The following CAMSAP3 variants were observed in gnomAD, a reference collection of about 807,000 sequenced individuals.
The protein encoded by CAMSAP3 is calmodulin-regulated spectrin-associated protein 3.
In CAMSAP3, 34 loss-of-function variants were observed where a neutral mutation model predicts 112.5. That is an observed-to-expected ratio of 0.30 (90% CI 0.23 to 0.40). The LOEUF is 0.40. CAMSAP3 is among the 10% of genes least tolerant of loss of function. The pLI is 1.00. For synonymous variants in CAMSAP3, 868 were observed against 799.8 expected, an observed-to-expected ratio of 1.09 and a Z score of -1.44; for missense variants, 1,602 against 1,770.3, an observed-to-expected ratio of 0.90 and a Z score of 1.71.
At position 7,615,102 on chromosome 19, in the gene CAMSAP3, G is replaced by A. The variant is rs975944652; in HGVS notation, c.2671-81G>A. The stretch of plus-strand genomic sequence containing the variant: ...AAAACAAAAGCACAGGTGGGTGGCG[G>A]GCAGGCTGGGTGGAGGGAAGATGGG... On this transcript the variant is annotated intron_variant, in intron 11 of 16. Coordinates refer to ENST00000160298, the MANE Select transcript of CAMSAP3 (RefSeq NM_020902.2). The surrounding 1 kb of genome is among the most constrained non-coding windows in gnomAD (Gnocchi z 6.5). The A allele has an allele frequency of 6.6e-7, 1 of 1,512,070 alleles. No individual in the cohort carries two copies. The allele number at this position is 1,512,070 out of a possible 1,614,324, so 93.7% of individuals were successfully genotyped here.
intron 1 of CAMSAP3, 27 bp downstream of exon 1, chr19:7,596,177 G>A: frequency 1.9e-6 from 1 of 539,054 alleles, no homozygotes; most frequent in Non-Finnish European, 2.4e-6. Context: ...GACCGGGGTC[G>A]GGGGCGGCGG....
intron 2 of CAMSAP3, 121 bp from the exon 3 acceptor site, chr19:7,606,150 A>ACACCC: frequency 3.8e-6 from 1 of 265,232 alleles, no homozygotes; most frequent in Non-Finnish European, 6.6e-6. Flanking sequence ...CGCCCCCTCA[A>ACACCC]GCCCCACCCC....
At position 7,611,462 on chromosome 19, in the gene CAMSAP3, G is replaced by T; in HGVS notation, c.1124-55G>T. 1 of 1,519,854 alleles carries T rather than the reference G, an allele frequency of 6.6e-7. No homozygotes were observed. Among genetic ancestry groups the T allele is most frequent in the South Asian group, 1.3e-5 (1 of 79,280 alleles). The allele number at this position is 1,519,854 out of a possible 1,614,324, so 94.1% of individuals were successfully genotyped here. A position where few individuals can be genotyped will look rare whatever the true frequency, so the allele number is the denominator to read the frequency against. Reference sequence around the variant, plus strand: ...CAGAGGTTGTCCCCAGATGCTGGCTGACCCCACTCAGGGTTCCCAGGGTCC... The same window carrying T: ...CAGAGGTTGTCCCCAGATGCTGGCTTACCCCACTCAGGGTTCCCAGGGTCC... On this transcript the variant is annotated intron_variant, in intron 9 of 16. Transcript: ENST00000160298. The surrounding 1 kb of genome is among the most constrained non-coding windows in gnomAD (Gnocchi z 6.9).
chr19:7,615,588 T>C lies in CAMSAP3; in HGVS notation c.2981T>C (p.Leu994Pro). 1 of 1,495,382 alleles carries C rather than the reference T, an allele frequency of 6.7e-7. No homozygotes were observed. The highest frequency in any genetic ancestry group is 8.9e-7 in the Non-Finnish European group (1 of 1,122,370). 92.6% of individuals were successfully genotyped at this position (1,495,382 alleles called of 1,614,324 possible). The change falls in exon 13 of 17, where the codon CTC becomes CCC. Residue 994 changes from leucine (L) to proline (P), a missense_variant. Coordinates refer to ENST00000160298, the MANE Select transcript of CAMSAP3 (RefSeq NM_020902.2). This position sits in a 1 kb window ranked among gnomAD's most constrained non-coding sequence, Gnocchi z 6.5. The part of the protein sequence containing the change: ...RRAQLKLMDD[L>P]DKVLRPRAAG... ...GCCCAGCTGAAGCTGATGGACGACC[T>C]CGATAAGGTGCTGCGGCCCCGGGCT...
In CAMSAP3 at chr19:7,617,273, C is replaced by A; in HGVS notation, c.3213-53C>A. 1 of 1,290,244 alleles carries A rather than the reference C, an allele frequency of 7.8e-7. No individual in the cohort carries two copies. The highest frequency in any genetic ancestry group is 1.1e-6 in the Non-Finnish European group (1 of 886,008). The allele number at this position is 1,290,244 out of a possible 1,614,324, so 79.9% of individuals were successfully genotyped here. On this transcript the variant is annotated intron_variant, in intron 14 of 16. Transcript: ENST00000160298. The surrounding 1 kb of genome is among the most constrained non-coding windows in gnomAD (Gnocchi z 7.5). ...ATAGGGAAGCTTCCCATCTCTGACCCCACCTCCATCCCATCCTGACCCCAC... is the reference window on the plus strand; with the variant it reads ...ATAGGGAAGCTTCCCATCTCTGACCACACCTCCATCCCATCCTGACCCCAC...
At position 7,617,639 on chromosome 19, in the gene CAMSAP3, C is replaced by A; in HGVS notation, c.3422C>A (p.Pro1141Gln). ...HCCLAGKVNE[P>Q]QKNRILEEIE... ...TGCCTGGCGGGCAAGGTGAACGAAC[C>A]GCAGAAGAATCGCATTCTGGAGGTG... The change falls in exon 16 of 17, where the codon CCG becomes CAG. Residue 1141 changes from proline to glutamine, a missense_variant. By Grantham distance (76) the Pro-to-Gln change is moderately conservative. Transcript: ENST00000160298. This position sits in a 1 kb window ranked among gnomAD's most constrained non-coding sequence, Gnocchi z 7.5. 6.2e-7 allele frequency: 1 copy of A among 1,614,088 alleles called. No individual in the cohort carries two copies. Among genetic ancestry groups the A allele is most frequent in the Non-Finnish European group, 8.5e-7 (1 of 1,179,978 alleles).
chr19:7,599,787 C>T (rs1452002948), intron 1 of CAMSAP3, among the ~76,000 whole-genome samples: 3 of 97,490 alleles, frequency 3.1e-5, no homozygotes, highest in South Asian at 3.5e-4. Context: ...ATCCACCCGC[C>T]CATCCATCCA....
chr19:7,616,613 C>T lies in CAMSAP3; in HGVS notation c.3203C>T (p.Pro1068Leu), dbSNP rs774063362. The change falls in exon 14 of 17, where the codon CCC (proline) becomes CTC (leucine). Residue 1068 changes from proline to leucine, a missense_variant. Transcript: ENST00000160298. ...EAHNNLGVKR[P>L]TSRAPSPSGL... ...CACAATAACCTCGGGGTGAAGAGGC[C>T]CACGTCTCGGTGAGTTTAGCCCGCA... The T allele has an allele frequency of 1.2e-6, 2 of 1,606,594 alleles. No individual in the cohort carries two copies. Among genetic ancestry groups the T allele is most frequent in the Admixed American group, 3.3e-5 (2 of 60,002 alleles).
In CAMSAP3 at chr19:7,617,830, C is replaced by G. The variant is rs1415963088; in HGVS notation, c.3523C>G (p.Leu1175Val). The G allele has an allele frequency of 1.4e-5, 22 of 1,613,952 alleles. 1 individual carries two copies. The highest frequency in any genetic ancestry group is 1.9e-5 in the Non-Finnish European group (22 of 1,180,034). Residue 1175 changes from leucine (L) to valine (V), a missense_variant, in exon 17 of 17, where the codon CTG becomes GTG. This residue lies in a region of CAMSAP3 where 150 missense variants were observed against 207.6 expected (regional missense o/e 0.72). Transcript: ENST00000160298. The surrounding 1 kb of genome is among the most constrained non-coding windows in gnomAD (Gnocchi z 7.5). ...CTGCCAGTTCCGGGCGCTCTACACG[C>G]TGTCGGGGGAGACAGAGGAGCTGTC... is the stretch of plus-strand genomic sequence containing the variant. ...SSCQFRALYT[L>V]SGETEELSRL...
rs777932924 is a variant in CAMSAP3, at chr19:7,617,796, C to A, written c.3489C>A (p.Arg1163=). ...CCAACCACTTCCTGATCCTCTTTCGCGACTCGAGCTGCCAGTTCCGGGCGC... is the reference window on the plus strand; with the variant it reads ...CCAACCACTTCCTGATCCTCTTTCGAGACTCGAGCTGCCAGTTCCGGGCGC... ...SKANHFLILF[R]DSSCQFRALY... The change falls in exon 17 of 17, where the codon CGC becomes CGA. Residue 1163 remains arginine, a synonymous_variant. Transcript: ENST00000160298. This position sits in a 1 kb window ranked among gnomAD's most constrained non-coding sequence, Gnocchi z 7.5. 7.4e-6 allele frequency: 12 copies of A among 1,613,148 alleles called. No individual in the cohort carries two copies. Among genetic ancestry groups the A allele is most frequent in the African/African-American group, 6.7e-5 (5 of 74,826 alleles).
At position 7,612,358 on chromosome 19, in the gene CAMSAP3, A is replaced by G. The variant is rs1282395222; in HGVS notation, c.1865A>G (p.Glu622Gly). ...ATCGAGGCTCAGAAGCGACGGATTG[A>G]GGCCATATTCGCCAAGCACCGCCAG... The part of the protein sequence containing the change: ...RAIEAQKRRI[E>G]AIFAKHRQRL... The change falls in exon 11 of 17, where the codon GAG (glutamate) becomes GGG (glycine). Residue 622 changes from glutamate (E) to glycine (G), a missense_variant. By Grantham distance (98) the Glu-to-Gly change is moderately conservative. Coordinates refer to ENST00000160298, the MANE Select transcript of CAMSAP3 (RefSeq NM_020902.2). The G allele has an allele frequency of 6.2e-7, 1 of 1,603,174 alleles. No homozygotes were observed. Among genetic ancestry groups the G allele is most frequent in the East Asian group, 2.2e-5 (1 of 44,600 alleles).
At position 7,617,909 on chromosome 19, in the gene CAMSAP3, T is replaced by C; in HGVS notation, c.3602T>C (p.Ile1201Thr). The C allele has an allele frequency of 6.2e-7, 1 of 1,614,012 alleles. No individual in the cohort carries two copies. The highest frequency in any genetic ancestry group is 8.5e-7 in the Non-Finnish European group (1 of 1,180,004). ...RTVTPAMVEG[I>T]YKYNSDRKRF... ...GTCACGCCCGCCATGGTGGAAGGCA[T>C]CTACAAGTACAACTCGGACCGCAAG... Residue 1201 changes from isoleucine to threonine, a missense_variant, in exon 17 of 17, where the codon ATC becomes ACC. Physicochemically the swap from Ile to Thr is moderately conservative, Grantham distance 89 (BLOSUM62 -1). Coordinates refer to ENST00000160298, the MANE Select transcript of CAMSAP3 (RefSeq NM_020902.2). The surrounding 1 kb of genome is among the most constrained non-coding windows in gnomAD (Gnocchi z 7.5).
chr19:7,615,292 A>G lies in CAMSAP3; in HGVS notation c.2780A>G (p.Glu927Gly). 1 of 1,548,574 alleles carries G rather than the reference A, an allele frequency of 6.5e-7. No individual in the cohort carries two copies. The highest frequency in any genetic ancestry group is 8.7e-7 in the Non-Finnish European group (1 of 1,146,020). Residue 927 changes from glutamate to glycine, a missense_variant, in exon 12 of 17, where the codon GAG becomes GGG. By Grantham distance (98) the Glu-to-Gly change is moderately conservative. Transcript: ENST00000160298. The surrounding 1 kb of genome is among the most constrained non-coding windows in gnomAD (Gnocchi z 6.5). The stretch of plus-strand genomic sequence containing the variant: ...CGGCGCAAGCAGTGGCAGGAGGTGG[A>G]GAAGGAACAGCGGAGGGAGGAGGCC... Reference protein sequence around the residue: ...ARRRKQWQEVEKEQRREEAAR... With the variant: ...ARRRKQWQEVGKEQRREEAAR...
intron 1 of CAMSAP3, among the ~76,000 whole-genome samples, chr19:7,602,680 C>T (rs1303742646): frequency 3.1e-5 from 4 of 127,564 alleles, no homozygotes; most frequent in Non-Finnish European, 6.4e-5. Context: ...CAGTGGGGCC[C>T]GTGGCAGCCG....
chr19:7,616,647 G>A (rs1159671463), intron 14 of CAMSAP3, 25 bp downstream of exon 14: 2 of 1,557,188 alleles, frequency 1.3e-6, no homozygotes, highest in Admixed American at 3.3e-5. Context: ...CACAGGCGGG[G>A]TTCGTATGCC....
Position 7,606,581 on chromosome 19 carries a change from G to C in CAMSAP3, c.621+10G>C. On this transcript the variant is annotated intron_variant, in intron 4 of 16. Transcript: ENST00000160298. The stretch of plus-strand genomic sequence containing the variant: ...CCCGGCGCAGCCCTCGGTGAGGCCA[G>C]GGCATAGAACCGTCAGAAGGATGGG... The C allele has an allele frequency of 6.6e-7, 1 of 1,524,410 alleles. No individual in the cohort carries two copies. 94.4% of individuals were successfully genotyped at this position (1,524,410 alleles called of 1,614,324 possible).
rs775086306 is a variant in CAMSAP3 at position 7,617,888 on chromosome 19, C to T, written c.3581C>T (p.Thr1194Met). The T allele has an allele frequency of 3.7e-6, 6 of 1,613,830 alleles. No homozygotes were observed. The highest frequency in any genetic ancestry group is 3.3e-5 in the Admixed American group (2 of 60,026). ...RLAGYGPRTV[T>M]PAMVEGIYKY... ...GCAGGGTATGGGCCCCGGACCGTCA[C>T]GCCCGCCATGGTGGAAGGCATCTAC... Residue 1194 changes from threonine to methionine, a missense_variant, in exon 17 of 17, where the codon ACG becomes ATG. Transcript: ENST00000160298. The surrounding 1 kb of genome is among the most constrained non-coding windows in gnomAD (Gnocchi z 7.5).
At chr19:7,606,840 C>T in intron 4 of CAMSAP3, 1 of 1,611,908 alleles carries the variant, frequency 6.2e-7, no homozygotes, top group South Asian at 1.1e-5. Context: ...GCCCCGTCTG[C>T]CTGCCCTGCT....
rs1416882806 is a variant in CAMSAP3 at position 7,615,641 on chromosome 19, G to A, written c.3034G>A (p.Gly1012Arg). 4 of 1,431,094 alleles carry A rather than the reference G, an allele frequency of 2.8e-6. No homozygotes were observed. Among genetic ancestry groups the A allele is most frequent in the Non-Finnish European group, 3.6e-6 (4 of 1,096,656 alleles). 88.6% of individuals were successfully genotyped at this position (1,431,094 alleles called of 1,614,324 possible). A position where few individuals can be genotyped will look rare whatever the true frequency, so the allele number is the denominator to read the frequency against. ...GGGGTCCGGGGGTCCAGGTCGGGGC[G>A]GGCGGAGGGCCACCCGGCCTCGCTC... ...AAGSGGPGRG[G>R]RRATRPRSGC... Residue 1012 changes from glycine (G) to arginine (R), a missense_variant, in exon 13 of 17, where the codon GGG (glycine) becomes AGG (arginine). Gly to Arg is a moderately radical substitution (Grantham distance 125). This residue lies in a region of CAMSAP3 where 1,100 missense variants were observed against 1,135.7 expected (regional missense o/e 0.97). Coordinates refer to ENST00000160298, the MANE Select transcript of CAMSAP3 (RefSeq NM_020902.2). The surrounding 1 kb of genome is among the most constrained non-coding windows in gnomAD (Gnocchi z 6.5).
Sources: allele counts gnomAD v4.1 joint callset (sites outside exome capture counted in the v4.1 genomes callset), GRCh38; gene constraint gnomAD v4.1.1; regional missense constraint gnomAD v4.1.1; non-coding constraint Gnocchi (gnomAD v3.1); transcripts MANE v1.5; gene names NCBI Gene and HGNC (gene_info 2026-07-23, HGNC 2026-07-21).